Variants in FGD3 observed in about 807,000 individuals in gnomAD.
FGD3 encodes the protein FYVE, RhoGEF and PH domain-containing protein 3.
Under a neutral mutation model 71.8 loss-of-function variants are expected in FGD3, and 45 were observed. That is an observed-to-expected ratio of 0.63 (90% CI 0.49 to 0.80). FGD3 has a LOEUF of 0.80. FGD3 is among the 30% of genes least tolerant of loss of function. The pLI, the probability that FGD3 is intolerant of heterozygous loss-of-function variation, is 0.00. For synonymous variants in FGD3, 378 were observed against 392.8 expected (o/e 0.96, Z 0.44); for missense variants, 844 against 951.5 (o/e 0.89, Z 1.49).
At chr9:93,002,045 G>T (rs1184159679) in intron 3 of FGD3, among the ~76,000 whole-genome samples, 3 of 152,162 alleles carry the variant, frequency 2.0e-5, no homozygotes, top group Non-Finnish European at 4.4e-5. Flanking sequence ...AGAAGTGTGA[G>T]AAATAAACTT....
At chr9:92,959,209 C>T (rs1193925020) in intron 1 of FGD3, among the ~76,000 whole-genome samples, 1 of 152,192 alleles carries the variant, frequency 6.6e-6, no homozygotes, top group Non-Finnish European at 1.5e-5. Flanking sequence ...AATCCGCCCA[C>T]CTTGGCCTCC....
At chr9:92,958,406 C>T (rs1859105192) in intron 1 of FGD3, among the ~76,000 whole-genome samples, 2 of 152,354 alleles carry the variant, frequency 1.3e-5, no homozygotes, top group South Asian at 4.1e-4. Context: ...GAGACACTCT[C>T]TTTATCAACA....
chr9:92,976,251 T>C lies in FGD3; in HGVS notation c.-6T>C. Reference sequence around the variant, plus strand: ...CCACCTGAGCCCAGTGAGCTCAGCTTTAAGGATGGAGTCAGGCAGGGGGTC... The same window carrying C: ...CCACCTGAGCCCAGTGAGCTCAGCTCTAAGGATGGAGTCAGGCAGGGGGTC... On this transcript the variant is annotated 5_prime_UTR_variant, in exon 3 of 18. Coordinates refer to ENST00000375482, the MANE Select transcript of FGD3 (RefSeq NM_001083536.2). 6.4e-7 allele frequency: 1 copy of C among 1,569,634 alleles called. No individual in the cohort carries two copies. The highest frequency in any genetic ancestry group is 8.7e-7 in the Non-Finnish European group (1 of 1,152,740).
At chr9:93,025,235 A>G (rs1862074973) in intron 14 of FGD3, among the ~76,000 whole-genome samples, 1 of 152,224 alleles carries the variant, frequency 6.6e-6, no homozygotes, top group Non-Finnish European at 1.5e-5. Flanking sequence ...ACTCAGGGTC[A>G]CAATTCCAGT....
chr9:93,000,504 A>G (rs1345182603), intron 3 of FGD3, among the ~76,000 whole-genome samples: 3 of 152,172 alleles, frequency 2.0e-5, no homozygotes, highest in Admixed American at 6.5e-5. Context: ...GTTTTTGTTT[A>G]ACTGGAAAAG....
Position 93,003,861 on chromosome 9 carries a change from A to G in FGD3, c.544-140A>G. 6 of 1,030,692 alleles carry G rather than the reference A, an allele frequency of 5.8e-6. No individual in the cohort carries two copies. The highest frequency in any genetic ancestry group is 7.1e-6 in the Non-Finnish European group (5 of 699,604). The allele number at this position is 1,030,692 out of a possible 1,614,324, so 63.8% of individuals were successfully genotyped here. Reference sequence around the variant, plus strand: ...ACCAGTTGGATGAAAAGGGAGGACAATAATTCTGAAATTCATTAAGAAAAC... The same window carrying G: ...ACCAGTTGGATGAAAAGGGAGGACAGTAATTCTGAAATTCATTAAGAAAAC... On this transcript the variant is annotated intron_variant, in intron 4 of 17. Transcript: ENST00000375482. This position sits in a 1 kb window ranked among gnomAD's most constrained non-coding sequence, Gnocchi z 4.1.
chr9:93,026,585 G>T (rs1334879422), intron 14 of FGD3, among the ~76,000 whole-genome samples: 1 of 152,214 alleles, frequency 6.6e-6, no homozygotes, highest in African/African-American at 2.4e-5. Context: ...TAGCTGGGAA[G>T]ATTTGCCAGA....
chr9:92,969,946 G>T lies in FGD3; in HGVS notation c.-217-5292G>T, dbSNP rs1311241188. Reference sequence around the variant, plus strand: ...CCTCGTGCTACAAGGTGGCAGCCCTGAGTGTCTGGGACCTGTTCCCTGGCT... The same window carrying T: ...CCTCGTGCTACAAGGTGGCAGCCCTTAGTGTCTGGGACCTGTTCCCTGGCT... On this transcript the variant is annotated intron_variant, in intron 1 of 17. Coordinates refer to ENST00000375482, the MANE Select transcript of FGD3 (RefSeq NM_001083536.2). This position sits in a 1 kb window ranked among gnomAD's most constrained non-coding sequence, Gnocchi z 4.5. Among the ~76,000 whole-genome samples the T allele has an allele frequency of 1.3e-5, 2 of 152,232 alleles. No homozygotes were observed. The highest frequency in any genetic ancestry group is 2.9e-5 in the Non-Finnish European group (2 of 68,048).
intron 3 of FGD3, among the ~76,000 whole-genome samples, chr9:92,983,417 C>T (rs1365900596): frequency 6.0e-5 from 9 of 149,826 alleles, no homozygotes; most frequent in East Asian, 2.0e-4. Context: ...CCCAGCTACT[C>T]GGGAGGCTGA....
chr9:93,021,833 G>T (rs1400965823), intron 13 of FGD3, among the ~76,000 whole-genome samples: 1 of 152,202 alleles, frequency 6.6e-6, no homozygotes, highest in African/African-American at 2.4e-5. Context: ...GAAAGAAAGA[G>T]TCCTGGGACT....
In FGD3 at chr9:93,010,177, C is replaced by T. The variant is rs974896743; in HGVS notation, c.838-69C>T. 5 of 1,520,872 alleles carry T rather than the reference C, an allele frequency of 3.3e-6. No individual in the cohort carries two copies. In the African/African-American group the frequency reaches 5.5e-5, roughly 17 times the overall value. The allele number at this position is 1,520,872 out of a possible 1,614,324, so 94.2% of individuals were successfully genotyped here. On this transcript the variant is annotated intron_variant, in intron 6 of 17. Transcript: ENST00000375482. ...GGCAGCTTCCTGGGGCTGTGGTGGCCAGAAGCCGGTGGGGCTGGCATCCAC... is the reference window on the plus strand; with the variant it reads ...GGCAGCTTCCTGGGGCTGTGGTGGCTAGAAGCCGGTGGGGCTGGCATCCAC...
At chr9:92,998,177 C>CT (rs1860722099) in intron 3 of FGD3, among the ~76,000 whole-genome samples, 1 of 152,154 alleles carries the variant, frequency 6.6e-6, no homozygotes, top group Non-Finnish European at 1.5e-5. Context: ...TCTTTTTACT[C>CT]TTTTTTCTCT....
chr9:92,963,697 T>G (rs940013452), intron 1 of FGD3, among the ~76,000 whole-genome samples: 3 of 152,222 alleles, frequency 2.0e-5, no homozygotes, highest in Non-Finnish European at 2.9e-5. Flanking sequence ...GGACCTGGTG[T>G]TATTATTTAT....
At chr9:92,968,473 C>T (rs1052408249) in intron 1 of FGD3, among the ~76,000 whole-genome samples, 7 of 152,106 alleles carry the variant, frequency 4.6e-5, no homozygotes, top group African/African-American at 1.7e-4. Context: ...GATGGAGACC[C>T]CTCCTCCATC....
chr9:92,966,278 A>G (rs368462650), intron 1 of FGD3, among the ~76,000 whole-genome samples: 110 of 152,226 alleles, frequency 7.2e-4, no homozygotes, highest in African/African-American at 2.6e-3. Flanking sequence ...GGGCAGCCAC[A>G]TCTGGGTCTG....
intron 3 of FGD3, among the ~76,000 whole-genome samples, chr9:93,002,577 G>A (rs75850615): frequency 0.069 from 10,461 of 151,994 alleles, 400 homozygotes; most frequent in East Asian, 0.15. Context: ...GTAGCTTCTC[G>A]GCTGGTCTCT....
At chr9:92,954,097 C>T (rs116153166) in intron 1 of FGD3, among the ~76,000 whole-genome samples, 145 of 152,268 alleles carry the variant, frequency 9.5e-4, no homozygotes, top group African/African-American at 3.3e-3. Context: ...TGAAAATTCC[C>T]GGAAGCTCAC....
At chr9:92,948,404 A>G (rs1369212592) in intron 1 of FGD3, among the ~76,000 whole-genome samples, 2 of 152,370 alleles carry the variant, frequency 1.3e-5, no homozygotes, top group East Asian at 3.9e-4. Flanking sequence ...AAGAGGCCGC[A>G]AGGCTGGCCG....
chr9:92,979,266 A>G (rs1859896652), intron 3 of FGD3, among the ~76,000 whole-genome samples: 1 of 152,194 alleles, frequency 6.6e-6, no homozygotes, highest in Non-Finnish European at 1.5e-5. Flanking sequence ...GCTTTATTAT[A>G]TTGAGGTAGT....
Sources: allele counts gnomAD v4.1 joint callset (sites outside exome capture counted in the v4.1 genomes callset), GRCh38; gene constraint gnomAD v4.1.1; non-coding constraint Gnocchi (gnomAD v3.1); transcripts MANE v1.5; gene names NCBI Gene and HGNC (gene_info 2026-07-23, HGNC 2026-07-21).